Variants in HCRTR2 observed in about 807,000 individuals in gnomAD.
The protein encoded by HCRTR2 is orexin receptor type 2.
In HCRTR2, 22 loss-of-function variants were observed where a neutral mutation model predicts 49.0. The ratio of observed to expected loss-of-function variants is 0.45; its 90% CI spans 0.32 to 0.64. The LOEUF (loss-of-function observed/expected upper bound fraction) is 0.64. Among genes scored for constraint, HCRTR2 ranks in the 30% least tolerant of loss-of-function variants. The pLI, the probability that HCRTR2 is intolerant of heterozygous loss-of-function variation, is 0.04. For synonymous variants in HCRTR2, 236 were observed against 205.3 expected, an observed-to-expected ratio of 1.15 and a Z score of -1.28; for missense variants, 491 against 559.4, an observed-to-expected ratio of 0.88 and a Z score of 1.23.
intron 3 of HCRTR2, among the ~76,000 whole-genome samples, chr6:55,262,995 G>T (rs954384597): frequency 1.3e-5 from 2 of 151,226 alleles, no homozygotes; most frequent in Non-Finnish European, 3.0e-5. Flanking sequence ...TATTCATATT[G>T]GATTGGAGAA....
intron 1 of HCRTR2, among the ~76,000 whole-genome samples, chr6:55,220,710 C>T (rs188382246): frequency 6.6e-6 from 1 of 152,024 alleles, no homozygotes; most frequent in African/African-American, 2.4e-5. Flanking sequence ...TTTGCTAGAA[C>T]AATTATGCAA....
intron 1 of HCRTR2, among the ~76,000 whole-genome samples, chr6:55,239,958 G>A (rs1334294143): frequency 6.6e-6 from 1 of 151,350 alleles, no homozygotes; most frequent in East Asian, 2.0e-4. Context: ...TTGTATTTTT[G>A]TAGAGATGGG....
intron 1 of HCRTR2, among the ~76,000 whole-genome samples, chr6:55,205,119 C>A (rs1340776198): frequency 6.6e-6 from 1 of 151,968 alleles, no homozygotes; most frequent in Admixed American, 6.6e-5. Context: ...AATGTCTATT[C>A]GATAACCAAG....
chr6:55,164,032 A>G (rs7752743), intron 1 of HCRTR2, among the ~76,000 whole-genome samples: 11,215 of 152,264 alleles, frequency 0.074, 1,331 homozygotes, highest in East Asian at 0.48. Flanking sequence ...AAAGCTTATC[A>G]TCACTGGTCA....
intron 1 of HCRTR2, among the ~76,000 whole-genome samples, chr6:55,200,279 T>G (rs1046356106): frequency 3.6e-4 from 39 of 109,412 alleles, no homozygotes; most frequent in African/African-American, 7.7e-4. Flanking sequence ...GTGTGTGTGT[T>G]TTTGAAACGG....
At chr6:55,142,034 A>G (rs1454976986) in intron 1 of HCRTR2, among the ~76,000 whole-genome samples, 2 of 152,346 alleles carry the variant, frequency 1.3e-5, no homozygotes, top group African/African-American at 4.8e-5. Flanking sequence ...GTGGTTAATT[A>G]AATAGTAAAA....
chr6:55,221,034 C>G (rs1765880363), intron 1 of HCRTR2, among the ~76,000 whole-genome samples: 1 of 151,968 alleles, frequency 6.6e-6, no homozygotes. Flanking sequence ...AAAAGCATTA[C>G]CAAAAAATAA....
intron 3 of HCRTR2, among the ~76,000 whole-genome samples, chr6:55,261,508 G>A (rs1441912585): frequency 2.0e-5 from 3 of 151,848 alleles, no homozygotes; most frequent in African/African-American, 4.8e-5. Context: ...AAGTTCAAAC[G>A]ATACTCCTGC....
At chr6:55,121,145 T>C (rs980640328) in intron 1 of HCRTR2, among the ~76,000 whole-genome samples, 1 of 152,146 alleles carries the variant, frequency 6.6e-6, no homozygotes, top group Admixed American at 6.6e-5. Flanking sequence ...TCCTCTTTTA[T>C]TTCGTTGAGC....
intron 1 of HCRTR2, among the ~76,000 whole-genome samples, chr6:55,141,282 C>G (rs1317330432): frequency 4.0e-5 from 6 of 151,704 alleles, no homozygotes; most frequent in Admixed American, 6.6e-5. Flanking sequence ...AGGCAGAGTT[C>G]GCAGTGAGCC....
At chr6:55,249,407 C>T (rs903452438) in intron 2 of HCRTR2, among the ~76,000 whole-genome samples, 4 of 152,046 alleles carry the variant, frequency 2.6e-5, no homozygotes, top group African/African-American at 7.2e-5. Context: ...CTCCGTTCTG[C>T]CATTCACCAA....
chr6:55,182,401 T>C (rs1193733296), intron 1 of HCRTR2, among the ~76,000 whole-genome samples: 1 of 152,238 alleles, frequency 6.6e-6, no homozygotes, highest in Non-Finnish European at 1.5e-5. Context: ...ACTTTCTCTC[T>C]AGCTCTTGGA....
intron 1 of HCRTR2, among the ~76,000 whole-genome samples, chr6:55,192,619 T>A (rs748218033): frequency 6.6e-6 from 1 of 152,152 alleles, no homozygotes; most frequent in African/African-American, 2.4e-5. Context: ...CTTTTCTGCA[T>A]CTAGATCCCA....
chr6:55,115,269 G>A (rs755386674), intron 1 of HCRTR2, among the ~76,000 whole-genome samples: 17 of 151,688 alleles, frequency 1.1e-4, no homozygotes, highest in Non-Finnish European at 2.4e-4. Context: ...CTTGAGCACA[G>A]AATCTAGGTG....
chr6:55,226,711 G>GTTTTTTTTT (rs777871106), intron 1 of HCRTR2, among the ~76,000 whole-genome samples: 3 of 74,288 alleles, frequency 4.0e-5, no homozygotes, highest in African/African-American at 5.9e-5. Flanking sequence ...AATTCCAGGT[G>GTTTTTTTTT]TTTTTTTTTT....
intron 1 of HCRTR2, among the ~76,000 whole-genome samples, chr6:55,212,221 T>C (rs1463796089): frequency 1.3e-5 from 2 of 152,130 alleles, no homozygotes; most frequent in Non-Finnish European, 2.9e-5. Flanking sequence ...TGAGGCTTGC[T>C]GTTAGAGTGA....
intron 1 of HCRTR2, among the ~76,000 whole-genome samples, chr6:55,221,727 G>A (rs1048352436): frequency 6.6e-6 from 1 of 151,798 alleles, no homozygotes; most frequent in African/African-American, 2.4e-5. Flanking sequence ...GCAGGAGAAT[G>A]GCGTGAACCT....
chr6:55,150,115 C>G (rs1458071355), intron 1 of HCRTR2, among the ~76,000 whole-genome samples: 2 of 151,914 alleles, frequency 1.3e-5, no homozygotes, highest in Admixed American at 6.6e-5. Flanking sequence ...GCTGGCAACA[C>G]ATCACATACA....
At chr6:55,134,845 C>T (rs1764411865) in intron 1 of HCRTR2, among the ~76,000 whole-genome samples, 1 of 151,874 alleles carries the variant, frequency 6.6e-6, no homozygotes, top group Non-Finnish European at 1.5e-5. Flanking sequence ...ATTTCATTCT[C>T]TCTCTCTTTC....
Sources: gnomAD v4.1 joint callset for allele counts (sites outside exome capture counted in the v4.1 genomes callset) on GRCh38, gnomAD v4.1.1 for gene constraint, MANE v1.5 for transcripts, NCBI Gene and HGNC (gene_info 2026-07-23, HGNC 2026-07-21) for gene names.